LRRTM4: variants seen among roughly 807,000 people sequenced by gnomAD.
The protein encoded by LRRTM4 is leucine-rich repeat transmembrane neuronal protein 4.
Under a neutral mutation model 47.6 loss-of-function variants are expected in LRRTM4, and 25 were observed. That is an observed-to-expected ratio of 0.53 (90% CI 0.38 to 0.73). The LOEUF (loss-of-function observed/expected upper bound fraction) is 0.73. Among genes scored for constraint, LRRTM4 ranks in the 30% least tolerant of loss-of-function variants. The pLI, the probability that LRRTM4 is intolerant of heterozygous loss-of-function variation, is 0.00. For synonymous variants in LRRTM4, 311 were observed against 269.5 expected, an observed-to-expected ratio of 1.15 and a Z score of -1.51; for missense variants, 638 against 713.4, an observed-to-expected ratio of 0.89 and a Z score of 1.20.
intron 3 of LRRTM4, among the ~76,000 whole-genome samples, chr2:77,384,669 C>A (rs1030997744): frequency 1.3e-5 from 2 of 151,860 alleles, no homozygotes; most frequent in Admixed American, 6.6e-5. Context: ...AAAGATAGAA[C>A]CCAAATTGGC....
chr2:77,160,429 G>T (rs1025547789), intron 3 of LRRTM4, among the ~76,000 whole-genome samples: 1 of 151,916 alleles, frequency 6.6e-6, no homozygotes, highest in East Asian at 1.9e-4. Context: ...GTGTTTGGGG[G>T]CATGTAAATC....
chr2:76,799,722 T>C (rs1322599736), intron 3 of LRRTM4, among the ~76,000 whole-genome samples: 7 of 133,488 alleles, frequency 5.2e-5, no homozygotes, highest in Non-Finnish European at 9.4e-5. Flanking sequence ...CAGCCCAAAA[T>C]CTCCTTAAGC....
At chr2:77,417,481 C>T (rs290009) in intron 3 of LRRTM4, among the ~76,000 whole-genome samples, 70,807 of 151,704 alleles carry the variant, frequency 0.47, 16,955 homozygotes, top group Non-Finnish European at 0.52. Context: ...AGCAAAGACT[C>T]GGAACCAACC....
At chr2:77,196,883 G>C (rs141355873) in intron 3 of LRRTM4, among the ~76,000 whole-genome samples, 1 of 152,220 alleles carries the variant, frequency 6.6e-6, no homozygotes, top group East Asian at 1.9e-4. Context: ...GAAATGTCAG[G>C]ATGGCCTAAG....
chr2:77,091,381 T>C (rs1399923227), intron 3 of LRRTM4, among the ~76,000 whole-genome samples: 1 of 145,018 alleles, frequency 6.9e-6, no homozygotes, highest in Non-Finnish European at 1.5e-5. Flanking sequence ...GAAGCACACT[T>C]TAAAAAGATT....
chr2:76,997,899 C>A (rs55870012), intron 3 of LRRTM4, among the ~76,000 whole-genome samples: 9,419 of 151,822 alleles, frequency 0.062, 890 homozygotes, highest in African/African-American at 0.2. Flanking sequence ...CTATTGTGAA[C>A]TGCGCATGTG....
chr2:77,174,338 T>A (rs1673133830), intron 3 of LRRTM4, among the ~76,000 whole-genome samples: 1 of 152,164 alleles, frequency 6.6e-6, no homozygotes, highest in Non-Finnish European at 1.5e-5. Flanking sequence ...TATTCAGCTT[T>A]TCAGGCCACT....
chr2:77,096,230 C>A (rs1467801946), intron 3 of LRRTM4, among the ~76,000 whole-genome samples: 1 of 151,410 alleles, frequency 6.6e-6, no homozygotes, highest in African/African-American at 2.4e-5. Context: ...CAGAAGATTT[C>A]TCAAAGCAAT....
chr2:77,120,624 T>C (rs1345694030), intron 3 of LRRTM4, among the ~76,000 whole-genome samples: 2 of 151,896 alleles, frequency 1.3e-5, no homozygotes, highest in African/African-American at 4.8e-5. Context: ...TACTTCCTAA[T>C]CAGACTGAAG....
At chr2:77,496,721 A>G (rs1441534827) in intron 3 of LRRTM4, among the ~76,000 whole-genome samples, 1 of 151,848 alleles carries the variant, frequency 6.6e-6, no homozygotes, top group Non-Finnish European at 1.5e-5. Context: ...ACAAATGTTT[A>G]CAAAGTGTAC....
At chr2:77,372,428 A>G (rs1672685151) in intron 3 of LRRTM4, among the ~76,000 whole-genome samples, 1 of 151,708 alleles carries the variant, frequency 6.6e-6, no homozygotes. Context: ...ACACTACCAG[A>G]CTTTAAGAAT....
At chr2:76,992,048 C>T (rs1410004635) in intron 3 of LRRTM4, among the ~76,000 whole-genome samples, 1 of 151,750 alleles carries the variant, frequency 6.6e-6, no homozygotes, top group Non-Finnish European at 1.5e-5. Context: ...ATGCTCATCT[C>T]AATAGACATG....
At chr2:77,057,126 C>T (rs991677078) in intron 3 of LRRTM4, among the ~76,000 whole-genome samples, 1 of 152,144 alleles carries the variant, frequency 6.6e-6, no homozygotes, top group East Asian at 1.9e-4. Context: ...AAAACCTTTG[C>T]TGACCTGATA....
intron 3 of LRRTM4, among the ~76,000 whole-genome samples, chr2:76,919,408 C>CA (rs1186317533): frequency 6.6e-6 from 1 of 152,142 alleles, no homozygotes; most frequent in African/African-American, 2.4e-5. Context: ...TCCAAGAGCT[C>CA]AGAGTTCATC....
chr2:76,931,785 GC>G (rs1674777242), intron 3 of LRRTM4, among the ~76,000 whole-genome samples: 2 of 152,000 alleles, frequency 1.3e-5, no homozygotes, highest in South Asian at 4.1e-4. Flanking sequence ...CTGATATTTT[GC>G]TACCAACCAT....
rs1022517108 is a variant in LRRTM4 at position 77,003,635 on chromosome 2, C to A, written c.1552-254719G>T. On this transcript the variant is annotated intron_variant, in intron 3 of 3. Coordinates refer to ENST00000409884, the MANE Select transcript of LRRTM4 (RefSeq NM_001134745.3). ...GTAGAATTATGAGTTAATTAAACCTCTTCCCTTTATAAATTACCCAGTCTC... is the reference window on the plus strand; with the variant it reads ...GTAGAATTATGAGTTAATTAAACCTATTCCCTTTATAAATTACCCAGTCTC... Among the ~76,000 whole-genome samples, 14 of 152,156 alleles carry A rather than the reference C, an allele frequency of 9.2e-5. No individual in the cohort carries two copies. In the East Asian group the frequency reaches 2.7e-3, roughly 29 times the overall value.
At chr2:77,417,205 C>T (rs540300078) in intron 3 of LRRTM4, among the ~76,000 whole-genome samples, 28 of 152,130 alleles carry the variant, frequency 1.8e-4, no homozygotes, top group Admixed American at 5.2e-4. Context: ...CCATCTCACA[C>T]CAGTTAGAAT....
At chr2:76,813,074 C>G (rs1670792976) in intron 3 of LRRTM4, among the ~76,000 whole-genome samples, 1 of 151,852 alleles carries the variant, frequency 6.6e-6, no homozygotes, top group Admixed American at 6.6e-5. Context: ...TGAGGCAGGA[C>G]AATCGCTTGA....
chr2:76,880,706 C>T (rs1406720874), intron 3 of LRRTM4, among the ~76,000 whole-genome samples: 2 of 152,094 alleles, frequency 1.3e-5, no homozygotes, highest in Non-Finnish European at 2.9e-5. Flanking sequence ...GATCCCTAGG[C>T]CCTGGATTCT....
Sources: gnomAD v4.1 joint callset for allele counts (sites outside exome capture counted in the v4.1 genomes callset) on GRCh38, gnomAD v4.1.1 for gene constraint, MANE v1.5 for transcripts, NCBI Gene and HGNC (gene_info 2026-07-23, HGNC 2026-07-21) for gene names.